LAMA1: variants seen among roughly 807,000 people sequenced by gnomAD.
The protein encoded by LAMA1 is laminin subunit alpha-1.
LAMA1 carries 219 observed loss-of-function variants against 348.7 expected under a neutral mutation model. The ratio of observed to expected loss-of-function variants is 0.63; its 90% CI spans 0.56 to 0.70. The LOEUF (loss-of-function observed/expected upper bound fraction) is 0.70. Among genes scored for constraint, LAMA1 ranks in the 30% least tolerant of loss-of-function variants. The pLI, the probability that LAMA1 is intolerant of heterozygous loss-of-function variation, is 0.00. For missense variants in LAMA1, 3,744 were observed against 3,888.0 expected, an observed-to-expected ratio of 0.96 and a Z score of 0.99; for synonymous variants, 1,487 against 1,491.0, an observed-to-expected ratio of 1.00 and a Z score of 0.06.
In LAMA1 at chr18:6,986,241, T is replaced by G. The variant is rs369777673; in HGVS notation, c.5275A>C (p.Asn1759His). 3.7e-6 allele frequency: 6 copies of G among 1,614,166 alleles called. No individual in the cohort carries two copies. In the East Asian group the frequency reaches 8.9e-5, roughly 24 times the overall value. The part of the protein sequence containing the change: ...AASHVLSKHN[N>H]ELKAAEALVR... ...AGCGCCTCAGCCGCCTTTAGTTCATTGTTGTGCTTTGAAAGGACGTGGCTT... is the reference window on the plus strand; with the variant it reads ...AGCGCCTCAGCCGCCTTTAGTTCATGGTTGTGCTTTGAAAGGACGTGGCTT... The change falls in exon 37 of 63, where the codon AAT becomes CAT. Residue 1759 changes from asparagine to histidine, a missense_variant. Coordinates refer to ENST00000389658, the MANE Select transcript of LAMA1 (RefSeq NM_005559.4).
Position 7,040,087 on chromosome 18 carries a change from A to C in LAMA1, c.1411T>G (p.Cys471Gly). ...ACCTCCCCACTTACCTTACAAACAC[A>C]GGGCCCTGTGCAGGGCTCATCACTG... is the stretch of plus-strand genomic sequence containing the variant. Reference protein sequence around the residue: ...SASDEPCTGPCVCKENVEGKA... With the variant: ...SASDEPCTGPGVCKENVEGKA... Residue 471 changes from cysteine to glycine, a missense_variant, in exon 10 of 63, where the codon TGT becomes GGT. Physicochemically the swap from Cys to Gly is radical, Grantham distance 159. Around this residue, in one of 3 missense-constraint regions of LAMA1, gnomAD observed 1,529 missense variants for 1,689.4 expected, o/e 0.91. Coordinates refer to ENST00000389658, the MANE Select transcript of LAMA1 (RefSeq NM_005559.4). 1 of 1,614,074 alleles carries C rather than the reference A, an allele frequency of 6.2e-7. No homozygotes were observed. The highest frequency in any genetic ancestry group is 8.5e-7 in the Non-Finnish European group (1 of 1,180,014).
chr18:7,034,794 C>T, intron 13 of LAMA1, 104 bp from the exon 14 acceptor site: 1 of 1,041,104 alleles, frequency 9.6e-7, no homozygotes, highest in South Asian at 1.4e-5. Flanking sequence ...TCATTCGTGC[C>T]TAGCTTCTTG....
intron 3 of LAMA1, among the ~76,000 whole-genome samples, chr18:7,077,521 T>A (rs1340110414): frequency 6.6e-6 from 1 of 152,048 alleles, no homozygotes; most frequent in Non-Finnish European, 1.5e-5. Context: ...GCTTATTTTT[T>A]AAAAATGCCT....
intron 14 of LAMA1, among the ~76,000 whole-genome samples, chr18:7,033,474 T>C (rs1265932779): frequency 7.5e-6 from 1 of 132,478 alleles, no homozygotes; most frequent in African/African-American, 3.0e-5. Context: ...AAAAAAAGAC[T>C]TAAATCCAAT....
At chr18:7,113,154 C>A (rs1016980662) in intron 1 of LAMA1, among the ~76,000 whole-genome samples, 5 of 152,250 alleles carry the variant, frequency 3.3e-5, no homozygotes, top group African/African-American at 1.2e-4. Flanking sequence ...CAGGGAAAGC[C>A]CTGTGAGTAC....
Position 7,080,444 on chromosome 18 carries a change from G to C in LAMA1, c.75C>G (p.Ala25=). The C allele has an allele frequency of 6.2e-7, 1 of 1,614,212 alleles. No homozygotes were observed. The highest frequency in any genetic ancestry group is 8.5e-7 in the Non-Finnish European group (1 of 1,180,038). The change falls in exon 2 of 63, where the codon GCC becomes GCG. Residue 25 remains alanine (A), a synonymous_variant. Coordinates refer to ENST00000389658, the MANE Select transcript of LAMA1 (RefSeq NM_005559.4). ...AQCRQRGLFP[A]ILNLASNAHI... ...GAGCATTGCTGGCAAGATTGAGAATGGCAGGAAACAGGCCTGAAAGTGAAA... is the reference window on the plus strand; with the variant it reads ...GAGCATTGCTGGCAAGATTGAGAATCGCAGGAAACAGGCCTGAAAGTGAAA...
In LAMA1 at chr18:6,982,584, C is replaced by T; in HGVS notation, c.5803G>A (p.Glu1935Lys). The change falls in exon 41 of 63, where the codon GAA (glutamate) becomes AAA (lysine). Residue 1935 changes from glutamate to lysine, a missense_variant. Coordinates refer to ENST00000389658, the MANE Select transcript of LAMA1 (RefSeq NM_005559.4). Reference protein sequence around the residue: ...RTVTETSLLSESLVSNGKAAV... With the variant: ...RTVTETSLLSKSLVSNGKAAV... Reference sequence around the variant, plus strand: ...GCTTTCCCGTTAGAAACAAGGGATTCTGAGAGCTGGAAAACAGAACCACTT... The same window carrying T: ...GCTTTCCCGTTAGAAACAAGGGATTTTGAGAGCTGGAAAACAGAACCACTT... The T allele has an allele frequency of 1.9e-6, 3 of 1,614,046 alleles. No individual in the cohort carries two copies. The highest frequency in any genetic ancestry group is 2.5e-6 in the Non-Finnish European group (3 of 1,179,968).
intron 26 of LAMA1, among the ~76,000 whole-genome samples, chr18:7,009,694 G>A (rs947600441): frequency 2.0e-5 from 3 of 152,110 alleles, no homozygotes; most frequent in East Asian, 1.9e-4. Context: ...AAAATAGTAC[G>A]CCAAGATAAA....
chr18:7,072,211 T>C (rs185436031), intron 3 of LAMA1, among the ~76,000 whole-genome samples: 35 of 152,316 alleles, frequency 2.3e-4, no homozygotes, highest in Admixed American at 1.8e-3. Flanking sequence ...GTAATTAGAT[T>C]CTATTAAGGC....
At chr18:7,075,312 A>T (rs1029239188) in intron 3 of LAMA1, among the ~76,000 whole-genome samples, 1 of 152,126 alleles carries the variant, frequency 6.6e-6, no homozygotes, top group African/African-American at 2.4e-5. Flanking sequence ...AGGGGGGGGA[A>T]GTTAAAAAAA....
Position 7,012,168 on chromosome 18 carries a change from T to C in LAMA1, c.3364-30A>G. The C allele has an allele frequency of 2.5e-6, 4 of 1,612,318 alleles. No individual in the cohort carries two copies. In the South Asian group the frequency reaches 4.4e-5, roughly 18 times the overall value. ...AGGGGAGCAAATAAAGGACTCGTTT[T>C]TGCCTAAAAAAGAGATGTGATTTCT... On this transcript the variant is annotated intron_variant, in intron 23 of 62. Coordinates refer to ENST00000389658, the MANE Select transcript of LAMA1 (RefSeq NM_005559.4).
chr18:7,044,452 A>G (rs1359780110), intron 7 of LAMA1, among the ~76,000 whole-genome samples: 1 of 152,174 alleles, frequency 6.6e-6, no homozygotes, highest in Non-Finnish European at 1.5e-5. Flanking sequence ...AACCTGGCAT[A>G]TCCCATGGTA....
intron 1 of LAMA1, among the ~76,000 whole-genome samples, chr18:7,098,197 T>G (rs1329459998): frequency 6.6e-6 from 1 of 151,990 alleles, no homozygotes; most frequent in African/African-American, 2.4e-5. Context: ...CTCGGCTCGC[T>G]ACAACCTCCA....
intron 1 of LAMA1, among the ~76,000 whole-genome samples, chr18:7,112,128 C>G (rs915713547): frequency 4.6e-5 from 7 of 152,088 alleles, no homozygotes; most frequent in African/African-American, 1.7e-4. Context: ...GTAAACAATA[C>G]TTTTAGAAGT....
At chr18:7,088,453 A>T (rs1217609364) in intron 1 of LAMA1, among the ~76,000 whole-genome samples, 1 of 152,152 alleles carries the variant, frequency 6.6e-6, no homozygotes, top group Admixed American at 6.5e-5. Flanking sequence ...CATGGGTAAC[A>T]CTGAATTTCA....
chr18:7,103,712 G>C (rs1310155779), intron 1 of LAMA1, among the ~76,000 whole-genome samples: 1 of 151,578 alleles, frequency 6.6e-6, no homozygotes, highest in Non-Finnish European at 1.5e-5. Context: ...CCAGCTACTA[G>C]GGAGGCTGAG....
chr18:6,979,723 C>T (rs2057700526), intron 42 of LAMA1, among the ~76,000 whole-genome samples: 1 of 152,152 alleles, frequency 6.6e-6, no homozygotes, highest in South Asian at 2.1e-4. Flanking sequence ...CACGGTGAAA[C>T]CCCATCTCTA....
intron 44 of LAMA1, among the ~76,000 whole-genome samples, chr18:6,976,334 T>C (rs2057682125): frequency 1.3e-5 from 2 of 152,204 alleles, no homozygotes; most frequent in South Asian, 4.1e-4. Context: ...CTTGCTCATA[T>C]AAGATTTAAT....
At position 6,997,777 on chromosome 18, in the gene LAMA1, A is replaced by G. The variant is rs596315; in HGVS notation, c.4771T>C (p.Leu1591=). ...TGIIPVPYGI[L]SNLENTTKYL... is the part of the protein sequence containing the mutation. ...TTAGTTGTATTTTCCAGGTTTGACAAAATTCCATATGGGACAGGGATAATG... is the reference window on the plus strand; with the variant it reads ...TTAGTTGTATTTTCCAGGTTTGACAGAATTCCATATGGGACAGGGATAATG... Residue 1591 remains leucine, a synonymous_variant, in exon 33 of 63, where the codon TTG becomes CTG. Transcript: ENST00000389658. 153 of 1,614,148 alleles carry G rather than the reference A, an allele frequency of 9.5e-5. No individual in the cohort carries two copies. The African/African-American group carries it at 1.8e-3, about 19-fold the overall frequency.
Sources: allele counts gnomAD v4.1 joint callset (sites outside exome capture counted in the v4.1 genomes callset), GRCh38; gene constraint gnomAD v4.1.1; regional missense constraint gnomAD v4.1.1; transcripts MANE v1.5; gene names NCBI Gene and HGNC (gene_info 2026-07-23, HGNC 2026-07-21).